The following PSENEN variants were observed in gnomAD, a reference collection of about 807,000 sequenced individuals.
PSENEN encodes presenilin enhancer, gamma-secretase subunit.
A neutral mutation model predicts 15.4 loss-of-function variants in PSENEN; 4 were observed. That is an observed-to-expected ratio of 0.26 (90% confidence interval 0.13 to 0.59). The LOEUF is 0.59. PSENEN is among the 20% of genes least tolerant of loss of function. The pLI, the probability that PSENEN is intolerant of heterozygous loss-of-function variation, is 0.89. For synonymous variants in PSENEN, 42 were observed against 46.5 expected, an observed-to-expected ratio of 0.90 and a Z score of 0.39; for missense variants, 112 against 120.3, an observed-to-expected ratio of 0.93 and a Z score of 0.32.
At position 35,746,957 on chromosome 19, in the gene PSENEN, T is replaced by G; in HGVS notation, c.*110T>G. 2.7e-6 allele frequency: 3 copies of G among 1,130,914 alleles called. No homozygotes were observed. Among genetic ancestry groups the G allele is most frequent in the African/African-American group, 1.6e-5 (1 of 62,904 alleles). 70.1% of individuals were successfully genotyped at this position (1,130,914 alleles called of 1,614,324 possible). On this transcript the variant is annotated 3_prime_UTR_variant, in exon 4 of 4. Coordinates refer to ENST00000587708, the MANE Select transcript of PSENEN (RefSeq NM_172341.4). ...CAAACTCCTAAGACTTGTTTTCATG[T>G]CCCACGTTCTCTGCTGACATCCCCC...
In PSENEN at chr19:35,745,891, GC is replaced by G. The variant is rs1970552453; in HGVS notation, c.-36del. 7 of 1,602,020 alleles carry G rather than the reference GC, an allele frequency of 4.4e-6. No homozygotes were observed. The highest frequency in any genetic ancestry group is 1.7e-5 in the Admixed American group (1 of 60,012). ...TACTTAGGGTCAAGGCTTGGGTCTTGCCCCGCAGACCCTTGGGACGACCCGG... is the reference window on the plus strand; with the variant it reads ...TACTTAGGGTCAAGGCTTGGGTCTTGCCCGCAGACCCTTGGGACGACCCGG... On this transcript the variant is annotated 5_prime_UTR_variant, in exon 2 of 4. Coordinates refer to ENST00000587708, the MANE Select transcript of PSENEN (RefSeq NM_172341.4).
chr19:35,747,022 C>A lies in PSENEN; in HGVS notation c.*175C>A, dbSNP rs1027172479. ...ACTTTCGATACTGACTTCCTGGGAT[C>A]TTTTAGAGGTTGAGGCATAAATGAT... On this transcript the variant is annotated 3_prime_UTR_variant, in exon 4 of 4. Coordinates refer to ENST00000587708, the MANE Select transcript of PSENEN (RefSeq NM_172341.4). 2 of 608,928 alleles carry A rather than the reference C, an allele frequency of 3.3e-6. No homozygotes were observed. The highest frequency in any genetic ancestry group is 3.7e-5 in the African/African-American group (2 of 53,956). 37.7% of individuals were successfully genotyped at this position (608,928 alleles called of 1,614,324 possible). A position where few individuals can be genotyped will look rare whatever the true frequency, so the allele number is the denominator to read the frequency against.
chr19:35,746,070 G>C, intron 2 of PSENEN, 79 bp downstream of exon 2: 1 of 1,431,648 alleles, frequency 7.0e-7, no homozygotes, highest in South Asian at 1.2e-5. Context: ...CTCGGGGCCT[G>C]GATTCTTAAG....
At position 35,745,849 on chromosome 19, in the gene PSENEN, G is replaced by A. The variant is rs1234492332; in HGVS notation, c.-82G>A. ...TGTTCTAATAGGGGCGTGGTTGTTC[G>A]TGATCCTTGCATCTGTTACTTAGGG... On this transcript the variant is annotated 5_prime_UTR_variant, in exon 2 of 4. It adds an upstream start codon to the 5' untranslated region. Coordinates refer to ENST00000587708, the MANE Select transcript of PSENEN (RefSeq NM_172341.4). 9.4e-6 allele frequency: 13 copies of A among 1,386,062 alleles called. No individual in the cohort carries two copies. In the South Asian group the frequency reaches 1.3e-4, roughly 14 times the overall value. The allele number at this position is 1,386,062 out of a possible 1,614,324, so 85.9% of individuals were successfully genotyped here.
intron 3 of PSENEN, 59 bp from the exon 4 acceptor site, chr19:35,746,649 T>C (rs1402541275): frequency 6.2e-7 from 1 of 1,613,698 alleles, no homozygotes; most frequent in Admixed American, 1.7e-5. Flanking sequence ...AAGGCTGGTC[T>C]AGGGAAGTCT....
In PSENEN at chr19:35,747,226, C is replaced by CTTTTTT. The variant is rs36096387; in HGVS notation, c.*392_*397dup. On this transcript the variant is annotated 3_prime_UTR_variant, in exon 4 of 4. Transcript: ENST00000587708. The stretch of plus-strand genomic sequence containing the variant: ...GTGCTTCCATTTCTTTTTCTTTTTT[C>CTTTTTT]TTTTTTTTTTTTTTTTTTGAGACAG... The CTTTTTT allele has an allele frequency of 1.9e-4, 24 of 128,490 alleles. No individual in the cohort carries two copies. The highest frequency in any genetic ancestry group is 2.7e-4 in the African/African-American group (9 of 33,272). The allele number at this position is 128,490 out of a possible 1,614,324, so 8.0% of individuals were successfully genotyped here.
chr19:35,747,176 T>C lies in PSENEN; in HGVS notation c.*329T>C. 1 of 202,100 alleles carries C rather than the reference T, an allele frequency of 4.9e-6. No individual in the cohort carries two copies. The highest frequency in any genetic ancestry group is 9.9e-6 in the Non-Finnish European group (1 of 101,246). 12.5% of individuals were successfully genotyped at this position (202,100 alleles called of 1,614,324 possible). A position where few individuals can be genotyped will look rare whatever the true frequency, so the allele number is the denominator to read the frequency against. On this transcript the variant is annotated 3_prime_UTR_variant, in exon 4 of 4. Coordinates refer to ENST00000587708, the MANE Select transcript of PSENEN (RefSeq NM_172341.4). ...GGAACTTTCCTGCTCAGGAAACTAT[T>C]AGATGAGAAACTAAGAAAGGAATAG...
At position 35,746,831 on chromosome 19, in the gene PSENEN, C is replaced by T; in HGVS notation, c.290C>T (p.Pro97Leu). ...GGGGACTACCTCTCCTTCACCATAC[C>T]CCTGGGCACCCCCTGACAACTTCTG... The part of the protein sequence containing the change: ...ALGDYLSFTI[P>L]LGTP Residue 97 changes from proline to leucine, a missense_variant, in exon 4 of 4, where the codon CCC (proline) becomes CTC (leucine). By Grantham distance (98) the Pro-to-Leu change is moderately conservative. Transcript: ENST00000587708. The T allele has an allele frequency of 1.2e-6, 2 of 1,613,880 alleles. No homozygotes were observed. Among genetic ancestry groups the T allele is most frequent in the African/African-American group, 1.3e-5 (1 of 74,978 alleles).
chr19:35,746,665 G>C, intron 3 of PSENEN, 43 bp from the exon 4 acceptor site: 1 of 1,614,110 alleles, frequency 6.2e-7, no homozygotes, highest in Non-Finnish European at 8.5e-7. Context: ...AGTCTGGAGA[G>C]CAGCCGGAGG....
At position 35,747,162 on chromosome 19, in the gene PSENEN, G is replaced by T; in HGVS notation, c.*315G>T. 1 of 220,036 alleles carries T rather than the reference G, an allele frequency of 4.5e-6. No homozygotes were observed. Among genetic ancestry groups the T allele is most frequent in the East Asian group, 1.0e-4 (1 of 9,708 alleles). 13.6% of individuals were successfully genotyped at this position (220,036 alleles called of 1,614,324 possible). A position where few individuals can be genotyped will look rare whatever the true frequency, so the allele number is the denominator to read the frequency against. On this transcript the variant is annotated 3_prime_UTR_variant, in exon 4 of 4. Transcript: ENST00000587708. ...AATCTTCTGAACTAGGAACTTTCCT[G>T]CTCAGGAAACTATTAGATGAGAAAC...
At chr19:35,746,579 G>A in intron 3 of PSENEN, 56 bp downstream of exon 3, 1 of 1,601,570 alleles carries the variant, frequency 6.2e-7, no homozygotes. Flanking sequence ...GGGAAGCGGG[G>A]AATCTTGGTG....
In PSENEN at chr19:35,746,801, C is replaced by T. The variant is rs1970589007; in HGVS notation, c.260C>T (p.Ala87Val). 3.7e-6 allele frequency: 6 copies of T among 1,614,010 alleles called. No individual in the cohort carries two copies. The East Asian group carries it at 1.3e-4, about 36-fold the overall frequency. Residue 87 changes from alanine (A) to valine (V), a missense_variant, in exon 4 of 4, where the codon GCC (alanine) becomes GTC (valine). Transcript: ENST00000587708. ...CAGATCTACCGGCCCCGCTGGGGTGCCCTTGGGGACTACCTCTCCTTCACC... is the reference window on the plus strand; with the variant it reads ...CAGATCTACCGGCCCCGCTGGGGTGTCCTTGGGGACTACCTCTCCTTCACC... ...IFQIYRPRWG[A>V]LGDYLSFTIP...
chr19:35,746,820 C>T lies in PSENEN; in HGVS notation c.279C>T (p.Ser93=). The change falls in exon 4 of 4, where the codon TCC becomes TCT. Residue 93 remains serine (S), a synonymous_variant. Transcript: ENST00000587708. ...PRWGALGDYL[S]FTIPLGTP Reference sequence around the variant, plus strand: ...GGGGTGCCCTTGGGGACTACCTCTCCTTCACCATACCCCTGGGCACCCCCT... The same window carrying T: ...GGGGTGCCCTTGGGGACTACCTCTCTTTCACCATACCCCTGGGCACCCCCT... The T allele has an allele frequency of 6.2e-7, 1 of 1,614,000 alleles. No homozygotes were observed. The highest frequency in any genetic ancestry group is 8.5e-7 in the Non-Finnish European group (1 of 1,179,990).
In PSENEN at chr19:35,745,916, G is replaced by T; in HGVS notation, c.-15G>T. ...GCCCCGCAGACCCTTGGGACGACCCGGCCCCAGCGCAGCTATGAACCTGGA... is the reference window on the plus strand; with the variant it reads ...GCCCCGCAGACCCTTGGGACGACCCTGCCCCAGCGCAGCTATGAACCTGGA... On this transcript the variant is annotated 5_prime_UTR_variant, in exon 2 of 4. Coordinates refer to ENST00000587708, the MANE Select transcript of PSENEN (RefSeq NM_172341.4). 6.2e-7 allele frequency: 1 copy of T among 1,613,982 alleles called. No homozygotes were observed. Among genetic ancestry groups the T allele is most frequent in the East Asian group, 2.2e-5 (1 of 44,886 alleles).
Position 35,746,911 on chromosome 19 carries a change from C to T in PSENEN, c.*64C>T. On this transcript the variant is annotated 3_prime_UTR_variant, in exon 4 of 4. Coordinates refer to ENST00000587708, the MANE Select transcript of PSENEN (RefSeq NM_172341.4). ...GGACAGGCTCCTTAAAGCAGAGGAG[C>T]CTGTCCTGGGAGCCCCTTCTCAAAC... 1 of 1,526,622 alleles carries T rather than the reference C, an allele frequency of 6.6e-7. No homozygotes were observed. Among genetic ancestry groups the T allele is most frequent in the Non-Finnish European group, 8.8e-7 (1 of 1,133,778 alleles). The allele number at this position is 1,526,622 out of a possible 1,614,324, so 94.6% of individuals were successfully genotyped here.
rs1468623330 is a variant in PSENEN at position 35,746,904 on chromosome 19, AG to A, written c.*58del. ...TCTCCCAGGACAGGCTCCTTAAAGC[AG>A]AGGAGCCTGTCCTGGGAGCCCCTTC... is the stretch of plus-strand genomic sequence containing the variant. On this transcript the variant is annotated 3_prime_UTR_variant, in exon 4 of 4. Transcript: ENST00000587708. The A allele has an allele frequency of 6.5e-7, 1 of 1,544,512 alleles. No homozygotes were observed. The highest frequency in any genetic ancestry group is 1.4e-5 in the African/African-American group (1 of 71,640).
In PSENEN at chr19:35,746,959, C is replaced by A; in HGVS notation, c.*112C>A. On this transcript the variant is annotated 3_prime_UTR_variant, in exon 4 of 4. Transcript: ENST00000587708. ...AACTCCTAAGACTTGTTTTCATGTC[C>A]CACGTTCTCTGCTGACATCCCCCAA... 1 of 1,126,806 alleles carries A rather than the reference C, an allele frequency of 8.9e-7. No homozygotes were observed. Among genetic ancestry groups the A allele is most frequent in the Non-Finnish European group, 1.3e-6 (1 of 799,414 alleles). The allele number at this position is 1,126,806 out of a possible 1,614,324, so 69.8% of individuals were successfully genotyped here. A position where few individuals can be genotyped will look rare whatever the true frequency, so the allele number is the denominator to read the frequency against.
At chr19:35,745,771 G>A in intron 1 of PSENEN, 64 bp from the exon 2 acceptor site, 2 of 775,550 alleles carry the variant, frequency 2.6e-6, no homozygotes, top group Non-Finnish European at 4.5e-6. Context: ...CTTACTAGTG[G>A]GGGTGGGGAT....
At position 35,746,006 on chromosome 19, in the gene PSENEN, T is replaced by C; in HGVS notation, c.61+15T>C. 6.2e-7 allele frequency: 1 copy of C among 1,613,658 alleles called. No individual in the cohort carries two copies. Among genetic ancestry groups the C allele is most frequent in the Non-Finnish European group, 8.5e-7 (1 of 1,179,716 alleles). On this transcript the variant is annotated intron_variant, in intron 2 of 3. Transcript: ENST00000587708. ...GTACTACCTGGGTAAGGCAGATCGC[T>C]AGGGTCCCAGGAGAAGAGAGGGGAC...
Sources: gnomAD v4.1 joint callset for allele counts on GRCh38, gnomAD v4.1.1 for gene constraint, MANE v1.5 for transcripts, NCBI Gene and HGNC (gene_info 2026-07-23, HGNC 2026-07-21) for gene names.